Variants in FER1L5 observed in about 807,000 individuals in gnomAD.
The protein encoded by FER1L5 is fer-1-like protein 5.
A neutral mutation model predicts 279.9 loss-of-function variants in FER1L5; 187 were observed. That is an observed-to-expected ratio of 0.67 (90% CI 0.59 to 0.75). The LOEUF is 0.75. Among genes scored for constraint, FER1L5 ranks in the 30% least tolerant of loss-of-function variants. FER1L5 has a pLI of 0.00. For missense variants in FER1L5, 2,091 were observed against 2,594.4 expected, an observed-to-expected ratio of 0.81 and a Z score of 4.21; for synonymous variants, 921 against 989.7, an observed-to-expected ratio of 0.93 and a Z score of 1.30.
intron 1 of FER1L5, among the ~76,000 whole-genome samples, chr2:96,643,640 G>A (rs2074980792): frequency 6.6e-6 from 1 of 151,486 alleles, no homozygotes; most frequent in African/African-American, 2.4e-5. Flanking sequence ...GTGAGCCACC[G>A]CGCCCAGCCT....
Position 96,702,207 on chromosome 2 carries a change from C to G in FER1L5, c.5160-99C>G. 1.3e-6 allele frequency: 2 copies of G among 1,564,956 alleles called. No individual in the cohort carries two copies. Among genetic ancestry groups the G allele is most frequent in the Non-Finnish European group, 1.7e-6 (2 of 1,155,468 alleles). On this transcript the variant is annotated intron_variant, in intron 46 of 52. Coordinates refer to ENST00000624922, the MANE Select transcript of FER1L5 (RefSeq NM_001293083.2). The surrounding 1 kb of genome is among the most constrained non-coding windows in gnomAD (Gnocchi z 4.0). ...CTTCCCCTGAATTCCCCACACTGAGCAAAAACACACAGGGCAGCCTCCCAG... is the reference window on the plus strand; with the variant it reads ...CTTCCCCTGAATTCCCCACACTGAGGAAAAACACACAGGGCAGCCTCCCAG...
intron 18 of FER1L5, 129 bp from the exon 19 acceptor site, chr2:96,672,948 A>G: frequency 8.4e-7 from 1 of 1,188,242 alleles, no homozygotes; most frequent in Non-Finnish European, 1.2e-6. Flanking sequence ...GAGCCTCTGA[A>G]GGCCTTTGAG....
intron 42 of FER1L5, 79 bp from the exon 43 acceptor site, chr2:96,699,471 G>A (rs1025009539): frequency 2.9e-5 from 43 of 1,485,774 alleles, no homozygotes; most frequent in East Asian, 1.4e-4. Context: ...AGGGGCCTAC[G>A]GGGCCGAGAC....
chr2:96,649,186 G>A (rs2075264266), intron 4 of FER1L5, among the ~76,000 whole-genome samples: 1 of 152,168 alleles, frequency 6.6e-6, no homozygotes, highest in Non-Finnish European at 1.5e-5. Context: ...CCTGGTGATG[G>A]TCTGGAGGCT....
In FER1L5 at chr2:96,653,695, T is replaced by C; in HGVS notation, c.689T>C (p.Leu230Ser). The C allele has an allele frequency of 6.4e-7, 1 of 1,551,094 alleles. No homozygotes were observed. Among genetic ancestry groups the C allele is most frequent in the Non-Finnish European group, 8.7e-7 (1 of 1,146,846 alleles). ...GCAAAGTTCTTTGATGAGACCATCT[T>C]AATCCAGGTGAGGAGCCAAACTGGT... ...VPAKFFDETI[L>S]IQVVNSSAMR... Residue 230 changes from leucine (L) to serine (S), a missense_variant, in exon 8 of 53, where the codon TTA (leucine) becomes TCA (serine). Leu to Ser is a moderately radical substitution (Grantham distance 145). Coordinates refer to ENST00000624922, the MANE Select transcript of FER1L5 (RefSeq NM_001293083.2).
In FER1L5 at chr2:96,698,973, C is replaced by T. The variant is rs2077488228; in HGVS notation, c.4519-72C>T. On this transcript the variant is annotated intron_variant, in intron 41 of 52. Transcript: ENST00000624922. This position sits in a 1 kb window ranked among gnomAD's most constrained non-coding sequence, Gnocchi z 5.5. ...GTGCGAGGGGCTTGTTTCCACCCTC[C>T]TCCCACCCTCCCTGACAAACCTGGA... 3.3e-5 allele frequency: 50 copies of T among 1,537,980 alleles called. No homozygotes were observed. The South Asian group carries it at 5.7e-4, about 18-fold the overall frequency.
chr2:96,689,577 A>T lies in FER1L5; in HGVS notation c.2526-67A>T. The T allele has an allele frequency of 6.8e-7, 1 of 1,467,396 alleles. No homozygotes were observed. The highest frequency in any genetic ancestry group is 9.3e-7 in the Non-Finnish European group (1 of 1,072,226). 90.9% of individuals were successfully genotyped at this position (1,467,396 alleles called of 1,614,324 possible). A position where few individuals can be genotyped will look rare whatever the true frequency, so the allele number is the denominator to read the frequency against. On this transcript the variant is annotated intron_variant, in intron 25 of 52. Transcript: ENST00000624922. The surrounding 1 kb of genome is among the most constrained non-coding windows in gnomAD (Gnocchi z 4.6). ...ATGCCAGGTATGGGAACGCTTGGCC[A>T]GCAGAAGACGGCCCTAGGGGCTGCT...
intron 2 of FER1L5, 50 bp from the exon 3 acceptor site, chr2:96,647,014 G>T: frequency 1.3e-6 from 2 of 1,523,338 alleles, no homozygotes; most frequent in Non-Finnish European, 1.8e-6. Context: ...CTAGAAACAT[G>T]GGATGGGAAG....
rs1033519123 is a variant in FER1L5, at chr2:96,691,723, G to C, written c.3076-102G>C. 5 of 1,549,888 alleles carry C rather than the reference G, an allele frequency of 3.2e-6. No homozygotes were observed. In the African/African-American group the frequency reaches 6.8e-5, roughly 21 times the overall value. ...CGGAGGAAGGGCCTCTGTTCCTCAG[G>C]CTTGCGAGGGTGGCAGTGTGAGGGA... On this transcript the variant is annotated intron_variant, in intron 29 of 52. Coordinates refer to ENST00000624922, the MANE Select transcript of FER1L5 (RefSeq NM_001293083.2). This position sits in a 1 kb window ranked among gnomAD's most constrained non-coding sequence, Gnocchi z 6.0.
At chr2:96,671,569 C>T (rs2076331049) in intron 18 of FER1L5, among the ~76,000 whole-genome samples, 1 of 152,212 alleles carries the variant, frequency 6.6e-6, no homozygotes, top group Non-Finnish European at 1.5e-5. Flanking sequence ...TGATGTAAGA[C>T]ATCCACATAG....
chr2:96,697,995 G>T, intron 39 of FER1L5, 42 bp from the exon 40 acceptor site: 1 of 1,537,872 alleles, frequency 6.5e-7, no homozygotes, highest in South Asian at 1.2e-5. Flanking sequence ...TCCTAATCAC[G>T]GGAACAGTCT....
intron 45 of FER1L5, among the ~76,000 whole-genome samples, chr2:96,701,177 G>A (rs2077573664): frequency 6.6e-6 from 1 of 152,194 alleles, no homozygotes; most frequent in South Asian, 2.1e-4. Flanking sequence ...GGGCATGGTG[G>A]TGGGTGCCTG....
intron 13 of FER1L5, 77 bp downstream of exon 13, chr2:96,662,344 G>T: frequency 7.5e-7 from 1 of 1,329,206 alleles, no homozygotes; most frequent in African/African-American, 1.5e-5. Context: ...GTGGCCTGGT[G>T]GGCAAGACCA....
intron 37 of FER1L5, among the ~76,000 whole-genome samples, chr2:96,697,065 G>A (rs1008727715): frequency 3.3e-5 from 5 of 152,226 alleles, no homozygotes; most frequent in African/African-American, 1.2e-4. Flanking sequence ...CTAAGCCACT[G>A]ATCTATCAGA....
At chr2:96,690,404 G>C in intron 26 of FER1L5, 83 bp from the exon 27 acceptor site, 2 of 1,286,490 alleles carry the variant, frequency 1.6e-6, no homozygotes, top group Non-Finnish European at 2.2e-6. Flanking sequence ...CAGCAGGCAC[G>C]CACACAGGTG....
In FER1L5 at chr2:96,690,624, A is replaced by T. The variant is rs2292940; in HGVS notation, c.2743+35A>T. 9.2e-6 allele frequency: 14 copies of T among 1,525,760 alleles called. No homozygotes were observed. The East Asian group carries it at 2.7e-4, about 30-fold the overall frequency. The allele number at this position is 1,525,760 out of a possible 1,614,324, so 94.5% of individuals were successfully genotyped here. A position where few individuals can be genotyped will look rare whatever the true frequency, so the allele number is the denominator to read the frequency against. ...TTGGTCAGGGTTGGGATCGGGAGAGACCAGGGCCTCAAAATAACGGCAGCC... is the reference window on the plus strand; with the variant it reads ...TTGGTCAGGGTTGGGATCGGGAGAGTCCAGGGCCTCAAAATAACGGCAGCC... On this transcript the variant is annotated intron_variant, in intron 27 of 52. Transcript: ENST00000624922.
chr2:96,693,002 C>A (rs1186460280), intron 31 of FER1L5, among the ~76,000 whole-genome samples: 1 of 151,988 alleles, frequency 6.6e-6, no homozygotes, highest in East Asian at 1.9e-4. Flanking sequence ...ATGGTGAAAC[C>A]CCGTCTCTAC....
At position 96,698,694 on chromosome 2, in the gene FER1L5, T is replaced by C; in HGVS notation, c.4380T>C (p.Phe1460=). The change falls in exon 41 of 53, where the codon TTT becomes TTC. Residue 1460 remains phenylalanine, a synonymous_variant. Transcript: ENST00000624922. The surrounding 1 kb of genome is among the most constrained non-coding windows in gnomAD (Gnocchi z 5.5). ...EFKGLFRIYP[F]PENPEAPKPP... ...AGGGCCTTTTCCGCATCTACCCCTTTCCTGAGAATCCAGAAGCCCCAAAGC... is the reference window on the plus strand; with the variant it reads ...AGGGCCTTTTCCGCATCTACCCCTTCCCTGAGAATCCAGAAGCCCCAAAGC... 1 of 1,588,626 alleles carries C rather than the reference T, an allele frequency of 6.3e-7. No homozygotes were observed. Among genetic ancestry groups the C allele is most frequent in the South Asian group, 1.2e-5 (1 of 86,686 alleles).
At chr2:96,659,600 T>C (rs1267768115) in intron 9 of FER1L5, among the ~76,000 whole-genome samples, 1 of 149,818 alleles carries the variant, frequency 6.7e-6, no homozygotes, top group Non-Finnish European at 1.5e-5. Context: ...CACACCATTC[T>C]CCTGCCTGAA....
Sources: gnomAD v4.1 joint callset for allele counts (sites outside exome capture counted in the v4.1 genomes callset) on GRCh38, gnomAD v4.1.1 for gene constraint, Gnocchi (gnomAD v3.1) non-coding constraint, MANE v1.5 for transcripts, NCBI Gene and HGNC (gene_info 2026-07-23, HGNC 2026-07-21) for gene names.